The following TBC1D16 variants were observed in gnomAD, a reference collection of about 807,000 sequenced individuals.
TBC1D16 encodes CTD-2529O21.1.
A neutral mutation model predicts 74.7 loss-of-function variants in TBC1D16; 58 were observed. That is an observed-to-expected ratio of 0.78 (90% confidence interval 0.63 to 0.97). The LOEUF is 0.97. TBC1D16 is among the 50% of genes least tolerant of loss of function. TBC1D16 has a pLI of 0.00. For synonymous variants in TBC1D16, 493 were observed against 474.7 expected (o/e 1.04, Z -0.50); for missense variants, 1,014 against 1,079.5 (o/e 0.94, Z 0.85).
intron 3 of TBC1D16, among the ~76,000 whole-genome samples, chr17:80,006,070 CAG>C (rs1433337924): frequency 6.6e-6 from 1 of 152,156 alleles, no homozygotes; most frequent in East Asian, 1.9e-4. Context: ...CCCCACCGCT[CAG>C]AGTGGCGATG....
rs567916820 is a variant in TBC1D16 at position 80,032,158 on chromosome 17, T to C, written c.-63+3637A>G. Among the ~76,000 whole-genome samples the C allele has an allele frequency of 3.0e-4, 45 of 152,284 alleles. No individual in the cohort carries two copies. The South Asian group carries it at 8.5e-3, about 29-fold the overall frequency. ...CACGACTGAAGTGTGCAAGCCAGCA[T>C]GGATGCGGGCTTGGCACCCGCAGTA... On this transcript the variant is annotated intron_variant, in intron 1 of 11. Transcript: ENST00000310924.
At chr17:79,965,309 T>C (rs1212772252) in intron 3 of TBC1D16, among the ~76,000 whole-genome samples, 2 of 152,142 alleles carry the variant, frequency 1.3e-5, no homozygotes, top group East Asian at 3.8e-4. Context: ...CTTTAACTCC[T>C]GACCTCAAAT....
chr17:79,963,109 G>C (rs545167664), intron 3 of TBC1D16, among the ~76,000 whole-genome samples: 1 of 151,650 alleles, frequency 6.6e-6, no homozygotes, highest in Non-Finnish European at 1.5e-5. Flanking sequence ...CAGCTACTTG[G>C]GGGAGACTGA....
chr17:79,998,240 G>A (rs2035351168), intron 3 of TBC1D16, among the ~76,000 whole-genome samples: 1 of 151,546 alleles, frequency 6.6e-6, no homozygotes, highest in African/African-American at 2.4e-5. Flanking sequence ...CCCCCAGCAG[G>A]TGTTGATCTG....
chr17:79,986,105 C>T lies in TBC1D16; in HGVS notation c.779+24055G>A, dbSNP rs1309154463. ...GCACTGGCATCTGCCATCCCTCAAACGGAGAGATAATCAGGAAATAAAAGC... is the reference window on the plus strand; with the variant it reads ...GCACTGGCATCTGCCATCCCTCAAATGGAGAGATAATCAGGAAATAAAAGC... On this transcript the variant is annotated intron_variant, in intron 3 of 11. Transcript: ENST00000310924. This position sits in a 1 kb window ranked among gnomAD's most constrained non-coding sequence, Gnocchi z 6.0. Among the ~76,000 whole-genome samples the T allele has an allele frequency of 6.6e-6, 1 of 152,242 alleles. No homozygotes were observed. The highest frequency in any genetic ancestry group is 2.1e-4 in the South Asian group (1 of 4,836).
At chr17:80,024,885 T>C (rs868461070) in intron 1 of TBC1D16, among the ~76,000 whole-genome samples, 9 of 118,786 alleles carry the variant, frequency 7.6e-5, no homozygotes, top group Non-Finnish European at 1.2e-4. Context: ...CCACATACCA[T>C]AGGCACACTG....
At chr17:80,024,318 C>G (rs971486818) in intron 1 of TBC1D16, among the ~76,000 whole-genome samples, 1 of 150,472 alleles carries the variant, frequency 6.6e-6, no homozygotes, top group Non-Finnish European at 1.5e-5. Flanking sequence ...CCACGCACAC[C>G]ATAGACACAC....
chr17:79,950,294 G>T lies in TBC1D16; in HGVS notation c.1257+117C>A. On this transcript the variant is annotated intron_variant, in intron 6 of 11. Coordinates refer to ENST00000310924, the MANE Select transcript of TBC1D16 (RefSeq NM_019020.4). The surrounding 1 kb of genome is among the most constrained non-coding windows in gnomAD (Gnocchi z 4.6). ...TCACACAAGAAAACGGGGCCCTCAC[G>T]AGGAGGTGGCCCGTGGGTGCGGGCG... The T allele has an allele frequency of 8.4e-7, 1 of 1,185,334 alleles. No homozygotes were observed. The highest frequency in any genetic ancestry group is 1.1e-6 in the Non-Finnish European group (1 of 872,686). 73.4% of individuals were successfully genotyped at this position (1,185,334 alleles called of 1,614,324 possible).
intron 3 of TBC1D16, among the ~76,000 whole-genome samples, chr17:79,965,605 A>C (rs1484624320): frequency 6.6e-6 from 1 of 152,166 alleles, no homozygotes; most frequent in Non-Finnish European, 1.5e-5. Flanking sequence ...AAGGAGACCG[A>C]GGCCAGGAAT....
chr17:79,989,647 A>G (rs765041024), intron 3 of TBC1D16, among the ~76,000 whole-genome samples: 3 of 152,220 alleles, frequency 2.0e-5, no homozygotes, highest in Non-Finnish European at 4.4e-5. Flanking sequence ...CTGCCCAGAT[A>G]CCTGGCAATG....
Position 79,961,767 on chromosome 17 carries a change from G to T in TBC1D16, c.780-8949C>A, listed in dbSNP as rs1204751769. ...AATCCCAGCTACTCGGGAGGCTCAG[G>T]CAGGAGACTTGCTTGAACCCTGGAG... On this transcript the variant is annotated intron_variant, in intron 3 of 11. Coordinates refer to ENST00000310924, the MANE Select transcript of TBC1D16 (RefSeq NM_019020.4). This position sits in a 1 kb window ranked among gnomAD's most constrained non-coding sequence, Gnocchi z 4.8. Among the ~76,000 whole-genome samples the T allele has an allele frequency of 6.6e-6, 1 of 152,190 alleles. No homozygotes were observed. The highest frequency in any genetic ancestry group is 2.4e-5 in the African/African-American group (1 of 41,450).
rs11150827 is a variant in TBC1D16, at chr17:79,994,285, G to T, written c.779+15875C>A. On this transcript the variant is annotated intron_variant, in intron 3 of 11. Coordinates refer to ENST00000310924, the MANE Select transcript of TBC1D16 (RefSeq NM_019020.4). The surrounding 1 kb of genome is among the most constrained non-coding windows in gnomAD (Gnocchi z 4.6). ...ACTTCTAGAATCCCAGCTCAGGGCCGGGGGGGTGCCAGGGCTGTGAACCCC... is the reference window on the plus strand; with the variant it reads ...ACTTCTAGAATCCCAGCTCAGGGCCTGGGGGGTGCCAGGGCTGTGAACCCC... Among the ~76,000 whole-genome samples, 1 of 149,914 alleles carries T rather than the reference G, an allele frequency of 6.7e-6. No individual in the cohort carries two copies. The highest frequency in any genetic ancestry group is 2.4e-5 in the African/African-American group (1 of 40,990).
At chr17:80,005,245 G>A (rs4889943) in intron 3 of TBC1D16, among the ~76,000 whole-genome samples, 25,321 of 152,162 alleles carry the variant, frequency 0.17, 2,359 homozygotes, top group Non-Finnish European at 0.21. Flanking sequence ...ACCACACCCA[G>A]CTAATTTTTT....
rs779100690 is a variant in TBC1D16 at position 79,942,049 on chromosome 17, G to A, written c.2055+11C>T. The A allele has an allele frequency of 6.2e-7, 1 of 1,606,044 alleles. No individual in the cohort carries two copies. On this transcript the variant is annotated intron_variant, in intron 11 of 11. Transcript: ENST00000310924. Reference sequence around the variant, plus strand: ...GGGGCGGGGTGGGGCCCACATCTGGGGCAGCCTCACCTTCCGGAGAACGAG... The same window carrying A: ...GGGGCGGGGTGGGGCCCACATCTGGAGCAGCCTCACCTTCCGGAGAACGAG...
chr17:79,971,523 C>T lies in TBC1D16; in HGVS notation c.780-18705G>A, dbSNP rs960912979. Among the ~76,000 whole-genome samples the T allele has an allele frequency of 6.6e-6, 1 of 152,164 alleles. No individual in the cohort carries two copies. Among genetic ancestry groups the T allele is most frequent in the Non-Finnish European group, 1.5e-5 (1 of 68,026 alleles). On this transcript the variant is annotated intron_variant, in intron 3 of 11. Transcript: ENST00000310924. This position sits in a 1 kb window ranked among gnomAD's most constrained non-coding sequence, Gnocchi z 4.6. ...GACTCTTCTTCCAAAGTTCGTTCTG[C>T]AGGTTTACACACACTTGAAGGTATC...
chr17:80,013,111 C>T (rs937859532), intron 2 of TBC1D16, among the ~76,000 whole-genome samples: 96 of 152,338 alleles, frequency 6.3e-4, no homozygotes, highest in African/African-American at 2.3e-3. Flanking sequence ...AGGGGCCAGG[C>T]AGGCCTGAGG....
intron 3 of TBC1D16, among the ~76,000 whole-genome samples, chr17:79,977,135 G>A (rs969779254): frequency 2.6e-5 from 4 of 152,184 alleles, no homozygotes; most frequent in Admixed American, 1.3e-4. Flanking sequence ...CTTTGCCTGG[G>A]TCATTTCACG....
At position 80,023,641 on chromosome 17, in the gene TBC1D16, C is replaced by T. The variant is rs1242681177; in HGVS notation, c.-62-10032G>A. ...TCCTCACCTCGGTGCAGGCCAGGAG[C>T]GAGAACTGCTGCCGGGCCCCCCCCC... On this transcript the variant is annotated intron_variant, in intron 1 of 11. Transcript: ENST00000310924. Among the ~76,000 whole-genome samples, 12 of 145,130 alleles carry T rather than the reference C, an allele frequency of 8.3e-5. 1 individual carries two copies. The highest frequency in any genetic ancestry group is 1.2e-4 in the Non-Finnish European group (8 of 67,380).
At position 80,001,551 on chromosome 17, in the gene TBC1D16, C is replaced by G. The variant is rs1296659735; in HGVS notation, c.779+8609G>C. ...GGGCGGCGGGCGCTCTCGGGGTATC[C>G]CCGGGCGCCCTGGTTGGCCCACGAC... On this transcript the variant is annotated intron_variant, in intron 3 of 11. Coordinates refer to ENST00000310924, the MANE Select transcript of TBC1D16 (RefSeq NM_019020.4). The surrounding 1 kb of genome is among the most constrained non-coding windows in gnomAD (Gnocchi z 5.8). 6.6e-6 allele frequency among the ~76,000 whole-genome samples: 1 copy of G among 152,116 alleles called. No homozygotes were observed. The highest frequency in any genetic ancestry group is 1.5e-5 in the Non-Finnish European group (1 of 67,992).
Sources: gnomAD v4.1 joint callset for allele counts (sites outside exome capture counted in the v4.1 genomes callset) on GRCh38, gnomAD v4.1.1 for gene constraint, Gnocchi (gnomAD v3.1) non-coding constraint, MANE v1.5 for transcripts, NCBI Gene and HGNC (gene_info 2026-07-23, HGNC 2026-07-21) for gene names.